CNTN4: variants seen among roughly 807,000 people sequenced by gnomAD.
CNTN4 encodes contactin 4, also known as contactin-4.
CNTN4 carries 77 observed loss-of-function variants against 122.5 expected under a neutral mutation model. That is an observed-to-expected ratio of 0.63 (90% CI 0.52 to 0.76). The LOEUF is 0.76. Ranked by LOEUF, CNTN4 falls within the 30% of genes least tolerant of loss-of-function variation. The pLI, the probability that CNTN4 is intolerant of heterozygous loss-of-function variation, is 0.00. For synonymous variants in CNTN4, 512 were observed against 447.0 expected (o/e 1.15, Z -1.83); for missense variants, 1,256 against 1,259.1 (o/e 1.00, Z 0.04).
chr3:2,687,753 G>GC (rs1260876857), intron 4 of CNTN4, among the ~76,000 whole-genome samples: 3 of 152,148 alleles, frequency 2.0e-5, no homozygotes, highest in Admixed American at 2.0e-4. Flanking sequence ...TTTAAAGTGT[G>GC]CCTTTTTGAT....
Position 2,766,249 on chromosome 3 carries a change from TA to T in CNTN4, c.358+20554del, listed in dbSNP as rs1476319790. Among the ~76,000 whole-genome samples, 3 of 152,330 alleles carry T rather than the reference TA, an allele frequency of 2.0e-5. No individual in the cohort carries two copies. The East Asian group carries it at 5.8e-4, about 29-fold the overall frequency. ...CTGATCGCATCTATAATTTTATCTA[TA>T]AGTCTACCTTTTGCTTTGTCAGTCC... On this transcript the variant is annotated intron_variant, in intron 6 of 24. Transcript: ENST00000418658.
At chr3:2,665,195 G>C (rs772524346) in intron 4 of CNTN4, among the ~76,000 whole-genome samples, 1 of 152,182 alleles carries the variant, frequency 6.6e-6, no homozygotes, top group Non-Finnish European at 1.5e-5. Flanking sequence ...TACTAATTCA[G>C]ATGGTCTTGC....
At chr3:2,779,245 TTTTGTTTG>T (rs5846221) in intron 6 of CNTN4, among the ~76,000 whole-genome samples, 7,435 of 91,370 alleles carry the variant, frequency 0.081, 225 homozygotes, top group Non-Finnish European at 0.1. Context: ...GTGTTGTTTG[TTTTGTTTG>T]TTTGTTTGTT....
chr3:2,515,587 T>C (rs912092701), intron 3 of CNTN4, among the ~76,000 whole-genome samples: 13 of 152,062 alleles, frequency 8.5e-5, no homozygotes, highest in Admixed American at 2.6e-4. Flanking sequence ...AGGAAAAATA[T>C]TTTATGGAAA....
At chr3:2,336,236 T>G (rs2043949266) in intron 2 of CNTN4, among the ~76,000 whole-genome samples, 1 of 151,810 alleles carries the variant, frequency 6.6e-6, no homozygotes, top group African/African-American at 2.4e-5. Flanking sequence ...GGGGGGGAGG[T>G]GGCAGAGTAG....
chr3:3,056,363 G>A lies in CNTN4; in HGVS notation c.*143G>A. On this transcript the variant is annotated 3_prime_UTR_variant, in exon 25 of 25. Transcript: ENST00000418658. ...AATGTTTTTTGCTTCTTTAGGAATGGCATTATACAGTACTTCCTCAAAGCA... is the reference window on the plus strand; with the variant it reads ...AATGTTTTTTGCTTCTTTAGGAATGACATTATACAGTACTTCCTCAAAGCA... The A allele has an allele frequency of 3.0e-6, 2 of 672,944 alleles. No homozygotes were observed. The allele number at this position is 672,944 out of a possible 1,614,324, so 41.7% of individuals were successfully genotyped here.
chr3:2,957,179 T>A, intron 13 of CNTN4, among the ~76,000 whole-genome samples: 1 of 151,366 alleles, frequency 6.6e-6, no homozygotes, highest in East Asian at 1.9e-4. Context: ...GATTATATGG[T>A]AGTTCTAATT....
At chr3:2,808,246 A>T (rs769637644) in intron 6 of CNTN4, among the ~76,000 whole-genome samples, 9 of 152,074 alleles carry the variant, frequency 5.9e-5, no homozygotes, top group Non-Finnish European at 1.3e-4. Context: ...ATATGTTTCC[A>T]AGGCTTTTCT....
At chr3:2,341,095 T>A (rs893708411) in intron 3 of CNTN4, among the ~76,000 whole-genome samples, 3 of 152,156 alleles carry the variant, frequency 2.0e-5, no homozygotes, top group Admixed American at 2.0e-4. Flanking sequence ...GTGCTGTGTT[T>A]TCCCTTGCTT....
chr3:2,559,489 C>A (rs1399935597), intron 3 of CNTN4, among the ~76,000 whole-genome samples: 1 of 152,048 alleles, frequency 6.6e-6, no homozygotes, highest in Non-Finnish European at 1.5e-5. Flanking sequence ...TAATCATATA[C>A]CTGCCTCCTC....
At chr3:2,853,272 T>G (rs946732911) in intron 7 of CNTN4, among the ~76,000 whole-genome samples, 3 of 152,022 alleles carry the variant, frequency 2.0e-5, no homozygotes, top group Non-Finnish European at 2.9e-5. Context: ...TGAGACGGAG[T>G]CTCACTCTGT....
chr3:2,330,462 T>G (rs2043672438), intron 2 of CNTN4, among the ~76,000 whole-genome samples: 1 of 152,292 alleles, frequency 6.6e-6, no homozygotes, highest in South Asian at 2.1e-4. Flanking sequence ...ATTACCCTTC[T>G]AAAAGACTTA....
At chr3:2,472,695 G>T (rs1302647500) in intron 3 of CNTN4, among the ~76,000 whole-genome samples, 3 of 152,168 alleles carry the variant, frequency 2.0e-5, no homozygotes, top group African/African-American at 7.2e-5. Context: ...AACTAGAAAT[G>T]AATCCTTAAG....
chr3:2,492,259 G>A (rs2076339058), intron 3 of CNTN4, among the ~76,000 whole-genome samples: 1 of 152,078 alleles, frequency 6.6e-6, no homozygotes, highest in Non-Finnish European at 1.5e-5. Context: ...TTTTATTATA[G>A]CGCCTGTTTT....
rs376309477 is a variant in CNTN4, at chr3:2,567,604, GATA to G, written c.-88-3811_-88-3809del. Reference sequence around the variant, plus strand: ...ATCCTTACCATAAGTTTGGCAGATAGATATCTTGCTGCTCTTTTATAGATGGAC... The same window carrying G: ...ATCCTTACCATAAGTTTGGCAGATAGTCTTGCTGCTCTTTTATAGATGGAC... On this transcript the variant is annotated intron_variant, in intron 3 of 24. Coordinates refer to ENST00000418658, the MANE Select transcript of CNTN4 (RefSeq NM_175607.3). Among the ~76,000 whole-genome samples, 278 of 152,282 alleles carry G rather than the reference GATA, an allele frequency of 1.8e-3. 10 individuals carry two copies. The South Asian group carries it at 0.056, about 31-fold the overall frequency.
intron 2 of CNTN4, among the ~76,000 whole-genome samples, chr3:2,105,885 A>G (rs940963353): frequency 7.9e-5 from 12 of 152,212 alleles, no homozygotes; most frequent in African/African-American, 2.7e-4. Context: ...CCTGTAAAAT[A>G]AAAAGCAAGT....
intron 4 of CNTN4, among the ~76,000 whole-genome samples, chr3:2,707,336 T>G (rs2086802501): frequency 6.6e-6 from 1 of 151,630 alleles, no homozygotes; most frequent in Non-Finnish European, 1.5e-5. Flanking sequence ...AACAGAAAAC[T>G]TCACCTACAA....
chr3:2,981,408 C>G (rs373890496), intron 13 of CNTN4, among the ~76,000 whole-genome samples: 7 of 152,212 alleles, frequency 4.6e-5, no homozygotes, highest in East Asian at 1.9e-4. Flanking sequence ...CGCAGCACTG[C>G]ACTCCAGCCT....
At chr3:2,392,107 G>C (rs1316956356) in intron 3 of CNTN4, among the ~76,000 whole-genome samples, 1 of 152,166 alleles carries the variant, frequency 6.6e-6, no homozygotes, top group African/African-American at 2.4e-5. Context: ...CATGACCCCA[G>C]ATCAGAAATG....
Sources: allele counts gnomAD v4.1 joint callset (sites outside exome capture counted in the v4.1 genomes callset), GRCh38; gene constraint gnomAD v4.1.1; transcripts MANE v1.5; gene names NCBI Gene and HGNC (gene_info 2026-07-23, HGNC 2026-07-21).